Variants in CTSS observed in about 807,000 individuals in gnomAD.
CTSS encodes the protein cathepsin S.
Under a neutral mutation model 39.9 loss-of-function variants are expected in CTSS, and 15 were observed. The observed-to-expected ratio is 0.38, with a 90% CI of 0.25 to 0.58. The LOEUF (loss-of-function observed/expected upper bound fraction) is 0.58. CTSS is among the 20% of genes least tolerant of loss of function. The pLI, the probability that CTSS is intolerant of heterozygous loss-of-function variation, is 0.70. For synonymous variants in CTSS, 126 were observed against 138.2 expected, an observed-to-expected ratio of 0.91 and a Z score of 0.62; for missense variants, 250 against 398.2, an observed-to-expected ratio of 0.63 and a Z score of 3.17.
In CTSS at chr1:150,743,609, AT is replaced by A. The variant is rs367686639; in HGVS notation, c.896+4167del. ...TATGTATATTATGTATACATAATATATTATATATGTATATTATGTATACATA... is the reference window on the plus strand; with the variant it reads ...TATGTATATTATGTATACATAATATATATATATGTATATTATGTATACATA... On this transcript the variant is annotated intron_variant, in intron 7 of 7. Coordinates refer to ENST00000368985, the MANE Select transcript of CTSS (RefSeq NM_004079.5). 4.6e-5 allele frequency among the ~76,000 whole-genome samples: 5 copies of A among 109,738 alleles called. No homozygotes were observed. In the South Asian group the frequency reaches 7.7e-4, roughly 17 times the overall value. 72.0% of individuals were successfully genotyped at this position (109,738 alleles called of 152,430 possible). A position where few individuals can be genotyped will look rare whatever the true frequency, so the allele number is the denominator to read the frequency against.
chr1:150,761,591 C>T (rs1653265517), intron 2 of CTSS, among the ~76,000 whole-genome samples: 1 of 151,238 alleles, frequency 6.6e-6, no homozygotes, highest in Non-Finnish European at 1.5e-5. Context: ...ATTACCCGGG[C>T]GTGGTGGCAC....
At chr1:150,765,338 A>G (rs1049034410) in intron 1 of CTSS, among the ~76,000 whole-genome samples, 22 of 150,694 alleles carry the variant, frequency 1.5e-4, no homozygotes, top group Non-Finnish European at 2.5e-4. Context: ...GCAATTAACT[A>G]CTCTTTAAAA....
intron 7 of CTSS, 48 bp from the exon 8 acceptor site, chr1:150,733,193 C>T (rs1652561913): frequency 7.1e-7 from 1 of 1,408,264 alleles, no homozygotes. Flanking sequence ...ACAATCAAAC[C>T]ATGTTATCAA....
intron 6 of CTSS, chr1:150,748,232 G>A (rs1652931372): frequency 6.1e-6 from 1 of 163,396 alleles, no homozygotes; most frequent in Admixed American, 6.3e-5. Context: ...AGAGGTTGCA[G>A]TGAGCTGAGA....
At chr1:150,757,709 G>A (rs757283274) in intron 3 of CTSS, 149 bp downstream of exon 3, 14 of 622,224 alleles carry the variant, frequency 2.2e-5, no homozygotes, top group Non-Finnish European at 3.5e-5. Context: ...TTCTGTACAC[G>A]TTCTTACGTC....
intron 7 of CTSS, among the ~76,000 whole-genome samples, chr1:150,741,161 C>T (rs1652748148): frequency 6.6e-6 from 1 of 151,910 alleles, no homozygotes; most frequent in Non-Finnish European, 1.5e-5. Context: ...GCCACCATGC[C>T]CAGCTAATTT....
intron 7 of CTSS, among the ~76,000 whole-genome samples, chr1:150,745,653 C>A (rs978322268): frequency 1.3e-5 from 2 of 151,788 alleles, no homozygotes; most frequent in Non-Finnish European, 2.9e-5. Flanking sequence ...CAGAGTGAGA[C>A]CCTGTCTCAA....
chr1:150,733,145 G>A lies in CTSS; in HGVS notation c.897C>T (p.Ser299=). 1 of 1,604,676 alleles carries A rather than the reference G, an allele frequency of 6.2e-7. No individual in the cohort carries two copies. Among genetic ancestry groups the A allele is most frequent in the Admixed American group, 1.7e-5 (1 of 58,822 alleles). ...NGKEYWLVKN[S]WGHNFGEEGY... is the part of the protein sequence containing the mutation. ...CTTCTTCACCAAAGTTGTGGCCCCAGCTTTAGAAAAAGAAATAATACAAAA... is the reference window on the plus strand; with the variant it reads ...CTTCTTCACCAAAGTTGTGGCCCCAACTTTAGAAAAAGAAATAATACAAAA... The change falls in exon 8 of 8, where the codon AGC becomes AGT. Residue 299 remains serine (S), a splice_region_variant and synonymous_variant. Transcript: ENST00000368985.
At chr1:150,741,069 A>T (rs1652744107) in intron 7 of CTSS, among the ~76,000 whole-genome samples, 1 of 152,030 alleles carries the variant, frequency 6.6e-6, no homozygotes, top group Non-Finnish European at 1.5e-5. Context: ...TGGTGTGATC[A>T]TGGCTCACTG....
intron 4 of CTSS, among the ~76,000 whole-genome samples, chr1:150,754,111 CT>C (rs751446609): frequency 0.4 from 50,923 of 128,212 alleles, 10,335 homozygotes; most frequent in South Asian, 0.61. Flanking sequence ...CTCCTATACA[CT>C]TTTTTTTTTT....
chr1:150,737,559 C>T (rs1045778295), intron 7 of CTSS, among the ~76,000 whole-genome samples: 1 of 152,152 alleles, frequency 6.6e-6, no homozygotes, highest in African/African-American at 2.4e-5. Flanking sequence ...CTACCTTCTC[C>T]TTGCATATTA....
At chr1:150,747,947 G>A (rs1411744934) in intron 6 of CTSS, 68 bp from the exon 7 acceptor site, 2 of 1,068,842 alleles carry the variant, frequency 1.9e-6, no homozygotes, top group African/African-American at 1.6e-5. Context: ...TTTTAAAACG[G>A]TATTACTTTT....
chr1:150,741,429 G>A (rs1652754121), intron 7 of CTSS, among the ~76,000 whole-genome samples: 1 of 152,122 alleles, frequency 6.6e-6, no homozygotes, highest in African/African-American at 2.4e-5. Flanking sequence ...TTATGTCATA[G>A]TTTATTTAAT....
chr1:150,750,658 A>G (rs1652989653), intron 5 of CTSS, among the ~76,000 whole-genome samples: 1 of 152,044 alleles, frequency 6.6e-6, no homozygotes. Context: ...TTTTTTTGAG[A>G]TAGGCTCTCA....
intron 3 of CTSS, among the ~76,000 whole-genome samples, chr1:150,756,998 G>A (rs1408385175): frequency 6.6e-6 from 1 of 152,080 alleles, no homozygotes; most frequent in Non-Finnish European, 1.5e-5. Context: ...TTACAGGTGT[G>A]AGCCACTGTG....
chr1:150,734,153 C>T (rs1364844786), intron 7 of CTSS, among the ~76,000 whole-genome samples: 5 of 151,826 alleles, frequency 3.3e-5, no homozygotes, highest in Non-Finnish European at 5.9e-5. Context: ...CTCAGCCTCC[C>T]AAGTAGCTAG....
chr1:150,744,575 ATATAT>A (rs201163211), intron 7 of CTSS, among the ~76,000 whole-genome samples: 6,670 of 118,916 alleles, frequency 0.056, 458 homozygotes, highest in East Asian at 0.16. Flanking sequence ...TGTATACATA[ATATAT>A]TATATATTAT....
At chr1:150,734,058 C>T (rs1453158000) in intron 7 of CTSS, among the ~76,000 whole-genome samples, 4 of 147,574 alleles carry the variant, frequency 2.7e-5, no homozygotes, top group Non-Finnish European at 4.5e-5. Flanking sequence ...GGTGAAGTTT[C>T]GCTCTTGTTG....
At chr1:150,736,548 C>A (rs1652639777) in intron 7 of CTSS, among the ~76,000 whole-genome samples, 1 of 152,038 alleles carries the variant, frequency 6.6e-6, no homozygotes, top group South Asian at 2.1e-4. Flanking sequence ...TTTAGGTGAA[C>A]TGAATTTGGA....
Sources: gnomAD v4.1 joint callset for allele counts (sites outside exome capture counted in the v4.1 genomes callset) on GRCh38, gnomAD v4.1.1 for gene constraint, MANE v1.5 for transcripts, NCBI Gene and HGNC (gene_info 2026-07-23, HGNC 2026-07-21) for gene names.